WWOX: variants seen among roughly 807,000 people sequenced by gnomAD.
The protein encoded by WWOX is WW domain-containing oxidoreductase.
Under a neutral mutation model 46.2 loss-of-function variants are expected in WWOX, and 69 were observed. The ratio of observed to expected loss-of-function variants is 1.49; its 90% CI spans 1.23 to 1.82. The LOEUF is 1.82. Among genes scored for constraint, WWOX ranks in the 40% most tolerant of loss-of-function variants. The pLI, the probability that WWOX is intolerant of heterozygous loss-of-function variation, is 0.00. For synonymous variants in WWOX, 359 were observed against 202.6 expected (o/e 1.77, Z -6.56); for missense variants, 919 against 542.6 (o/e 1.69, Z -6.89).
chr16:78,460,358 C>A (rs1260610480), intron 8 of WWOX, among the ~76,000 whole-genome samples: 1 of 151,960 alleles, frequency 6.6e-6, no homozygotes, highest in Admixed American at 6.6e-5. Context: ...AAACTACTGA[C>A]CTCTCCTCGG....
At chr16:78,751,606 G>A (rs2049482157) in intron 8 of WWOX, among the ~76,000 whole-genome samples, 1 of 151,454 alleles carries the variant, frequency 6.6e-6, no homozygotes, top group African/African-American at 2.4e-5. Context: ...CATCAGTCAT[G>A]CATGCCTTAT....
intron 8 of WWOX, among the ~76,000 whole-genome samples, chr16:78,930,444 G>A (rs1192507201): frequency 1.5e-5 from 2 of 133,442 alleles, no homozygotes; most frequent in Admixed American, 1.6e-4. Context: ...CACCCAGCTA[G>A]CTAATTTTTT....
intron 8 of WWOX, among the ~76,000 whole-genome samples, chr16:78,643,826 CAA>C (rs5818156): frequency 1.4e-5 from 2 of 138,592 alleles, no homozygotes; most frequent in Non-Finnish European, 1.5e-5. Context: ...CCCCTAACTC[CAA>C]AAAAAAAAAA....
intron 8 of WWOX, among the ~76,000 whole-genome samples, chr16:78,654,806 A>G (rs1317715035): frequency 2.0e-5 from 3 of 151,570 alleles, no homozygotes; most frequent in Non-Finnish European, 4.4e-5. Flanking sequence ...GTTGTTTTGA[A>G]TTTTGGAAAT....
intron 8 of WWOX, among the ~76,000 whole-genome samples, chr16:78,602,659 T>C (rs978091886): frequency 2.0e-5 from 3 of 152,230 alleles, no homozygotes; most frequent in African/African-American, 4.8e-5. Flanking sequence ...TTCAAGTGGT[T>C]ACTCTGTTCT....
At chr16:78,865,383 G>T (rs991507479) in intron 8 of WWOX, among the ~76,000 whole-genome samples, 2 of 152,118 alleles carry the variant, frequency 1.3e-5, no homozygotes, top group Non-Finnish European at 2.9e-5. Context: ...GGCAGATAGA[G>T]GTCAACACCA....
At chr16:78,675,099 G>C (rs2047560359) in intron 8 of WWOX, among the ~76,000 whole-genome samples, 1 of 152,192 alleles carries the variant, frequency 6.6e-6, no homozygotes, top group South Asian at 2.1e-4. Context: ...GCGCTGTGCT[G>C]AATGTTTACA....
At position 78,874,585 on chromosome 16, in the gene WWOX, A is replaced by G. The variant is rs138929374; in HGVS notation, c.1057-337023A>G. Among the ~76,000 whole-genome samples the G allele has an allele frequency of 8.2e-4, 124 of 152,060 alleles. No individual in the cohort carries two copies. In the East Asian group the frequency reaches 0.023, roughly 28 times the overall value. On this transcript the variant is annotated intron_variant, in intron 8 of 8. Transcript: ENST00000566780. Reference sequence around the variant, plus strand: ...AAAAGATGTCTGGATGGTCTCCACTACAGATTCTGATGGCAAGTGACTTAA... The same window carrying G: ...AAAAGATGTCTGGATGGTCTCCACTGCAGATTCTGATGGCAAGTGACTTAA...
intron 5 of WWOX, among the ~76,000 whole-genome samples, chr16:78,341,219 C>T (rs1469163986): frequency 9.5e-6 from 1 of 105,018 alleles, no homozygotes; most frequent in Non-Finnish European, 2.2e-5. Context: ...CCAGGCTGGT[C>T]TCACTGTAAT....
intron 8 of WWOX, among the ~76,000 whole-genome samples, chr16:78,578,587 G>A (rs924168290): frequency 2.6e-5 from 4 of 151,612 alleles, no homozygotes; most frequent in South Asian, 2.1e-4. Flanking sequence ...CGCGGCTGGC[G>A]AAAATTATAT....
intron 8 of WWOX, among the ~76,000 whole-genome samples, chr16:79,087,966 C>G (rs1207351622): frequency 6.6e-6 from 1 of 152,162 alleles, no homozygotes; most frequent in Non-Finnish European, 1.5e-5. Flanking sequence ...CAAGGCTCCA[C>G]TACCATCTCC....
At chr16:78,414,589 A>C (rs1191296638) in intron 6 of WWOX, among the ~76,000 whole-genome samples, 1 of 152,184 alleles carries the variant, frequency 6.6e-6, no homozygotes, top group Non-Finnish European at 1.5e-5. Flanking sequence ...AACAAAAAGC[A>C]AAAATCTGAA....
intron 8 of WWOX, among the ~76,000 whole-genome samples, chr16:78,753,120 C>A (rs2049527802): frequency 6.6e-6 from 1 of 151,888 alleles, no homozygotes; most frequent in Admixed American, 6.6e-5. Context: ...CATGGTGAAA[C>A]CCCGTCTCTA....
At chr16:78,402,312 T>C (rs1250720412) in intron 6 of WWOX, among the ~76,000 whole-genome samples, 2 of 152,204 alleles carry the variant, frequency 1.3e-5, no homozygotes, top group Admixed American at 6.5e-5. Flanking sequence ...AATCAGTACT[T>C]CATTTCTTTT....
At chr16:78,128,425 T>G (rs1263970166) in intron 4 of WWOX, among the ~76,000 whole-genome samples, 1 of 152,188 alleles carries the variant, frequency 6.6e-6, no homozygotes, top group African/African-American at 2.4e-5. Context: ...AGGCAGAAAC[T>G]TCTGTGGGTT....
chr16:78,987,522 C>G (rs192388965), intron 8 of WWOX, among the ~76,000 whole-genome samples: 2 of 152,130 alleles, frequency 1.3e-5, no homozygotes, highest in Admixed American at 1.3e-4. Flanking sequence ...ATTTTTTAAT[C>G]CATTGTTTTA....
At chr16:78,945,246 A>T (rs906421791) in intron 8 of WWOX, among the ~76,000 whole-genome samples, 1 of 152,204 alleles carries the variant, frequency 6.6e-6, no homozygotes, top group African/African-American at 2.4e-5. Flanking sequence ...AAAACCAAAT[A>T]ACAGTGGCAC....
At chr16:78,917,642 C>G (rs940323117) in intron 8 of WWOX, among the ~76,000 whole-genome samples, 10 of 152,094 alleles carry the variant, frequency 6.6e-5, no homozygotes, top group Non-Finnish European at 1.2e-4. Context: ...ACTCATTGCC[C>G]TTATAACTTG....
At chr16:78,159,841 G>C (rs536853282) in intron 4 of WWOX, among the ~76,000 whole-genome samples, 1 of 151,598 alleles carries the variant, frequency 6.6e-6, no homozygotes, top group Non-Finnish European at 1.5e-5. Context: ...TTAGTTTTAC[G>C]TAACCTCACT....
Sources: allele counts gnomAD v4.1 joint callset (sites outside exome capture counted in the v4.1 genomes callset), GRCh38; gene constraint gnomAD v4.1.1; transcripts MANE v1.5; gene names NCBI Gene and HGNC (gene_info 2026-07-23, HGNC 2026-07-21).